The following ROR1 variants were observed in gnomAD, a reference collection of about 807,000 sequenced individuals.
The protein encoded by ROR1 is inactive tyrosine-protein kinase transmembrane receptor ROR1.
ROR1 carries 19 observed loss-of-function variants against 78.8 expected under a neutral mutation model. The observed-to-expected ratio is 0.24, with a 90% CI of 0.17 to 0.35. ROR1 has a LOEUF of 0.35. Ranked by LOEUF, ROR1 falls within the 10% of genes least tolerant of loss-of-function variation. The pLI, the probability that ROR1 is intolerant of heterozygous loss-of-function variation, is 1.00. For synonymous variants in ROR1, 386 were observed against 433.6 expected (o/e 0.89, Z 1.36); for missense variants, 917 against 1,177.8 (o/e 0.78, Z 3.24).
chr1:63,882,729 A>G (rs1645331116), intron 1 of ROR1, among the ~76,000 whole-genome samples: 1 of 152,312 alleles, frequency 6.6e-6, no homozygotes, highest in African/African-American at 2.4e-5. Context: ...GAAAATAGTA[A>G]TGATGGGCAT....
rs1449539205 is a variant in ROR1, at chr1:64,050,686, G to A, written c.452G>A (p.Gly151Asp). The A allele has an allele frequency of 6.2e-7, 1 of 1,612,792 alleles. No homozygotes were observed. Among genetic ancestry groups the A allele is most frequent in the Admixed American group, 1.7e-5 (1 of 59,942 alleles). Residue 151 changes from glycine to aspartate, a missense_variant and splice_region_variant, in exon 4 of 9, where the codon GGC (glycine) becomes GAC (aspartate). Around this residue, in one of 3 missense-constraint regions of ROR1, gnomAD observed 835 missense variants for 1,069.8 expected, o/e 0.78. Transcript: ENST00000371079. ...SSTGVLFVKF[G>D]PPPTASPGYS... ...TTTTGTTTTTCTTTCATTTCTTCAG[G>A]CCCCCCTCCCACTGCAAGTCCAGGA...
rs554051110 is a variant in ROR1 at position 63,962,429 on chromosome 1, G to C, written c.92-46876G>C. Among the ~76,000 whole-genome samples the C allele has an allele frequency of 3.5e-4, 54 of 152,338 alleles. 1 individual carries two copies. The South Asian group carries it at 0.011, about 30-fold the overall frequency. On this transcript the variant is annotated intron_variant, in intron 1 of 8. Transcript: ENST00000371079. ...GAGATGAAAGACATAAGCTAGAAAA[G>C]AAAAATGACAAATGGTTCACTGCAA... is the stretch of plus-strand genomic sequence containing the variant.
chr1:64,054,271 T>C (rs1646856505), intron 4 of ROR1, among the ~76,000 whole-genome samples: 1 of 151,528 alleles, frequency 6.6e-6, no homozygotes, highest in African/African-American at 2.4e-5. Flanking sequence ...ATTTCTTAAG[T>C]CCTTGTCATT....
chr1:63,857,749 C>A (rs543251908), intron 1 of ROR1, among the ~76,000 whole-genome samples: 3 of 152,122 alleles, frequency 2.0e-5, no homozygotes, highest in Admixed American at 6.5e-5. Flanking sequence ...CTTTAAGAGT[C>A]GGTAGAATGA....
At chr1:63,780,363 C>G (rs1481810909) in intron 1 of ROR1, among the ~76,000 whole-genome samples, 2 of 152,062 alleles carry the variant, frequency 1.3e-5, no homozygotes, top group Admixed American at 1.3e-4. Context: ...TTGTTGCCTT[C>G]TTGGGCAAAG....
chr1:64,084,446 A>G (rs1341350544), intron 4 of ROR1, among the ~76,000 whole-genome samples: 1 of 152,228 alleles, frequency 6.6e-6, no homozygotes, highest in Non-Finnish European at 1.5e-5. Context: ...TATTTTTCCC[A>G]TTGAAATTAT....
intron 1 of ROR1, among the ~76,000 whole-genome samples, chr1:63,954,184 A>G (rs2100474739): frequency 6.6e-6 from 1 of 152,324 alleles, no homozygotes; most frequent in South Asian, 2.1e-4. Context: ...CTTTTGCTCC[A>G]CTTTTACTAA....
chr1:63,981,017 A>T (rs915367792), intron 1 of ROR1, among the ~76,000 whole-genome samples: 3 of 151,558 alleles, frequency 2.0e-5, no homozygotes, highest in Non-Finnish European at 4.4e-5. Context: ...TTACTGGAAG[A>T]AAAAATATAC....
intron 4 of ROR1, among the ~76,000 whole-genome samples, chr1:64,077,947 CATGG>C (rs1647066375): frequency 6.6e-6 from 1 of 152,298 alleles, no homozygotes; most frequent in Admixed American, 6.5e-5. Flanking sequence ...ATGTGAGGGA[CATGG>C]AGGTGAAAAG....
intron 1 of ROR1, among the ~76,000 whole-genome samples, chr1:63,951,115 G>A (rs1645931546): frequency 1.3e-5 from 2 of 152,196 alleles, no homozygotes; most frequent in South Asian, 4.1e-4. Flanking sequence ...GCCAGTAAGT[G>A]GTTCCTTGTC....
intron 1 of ROR1, among the ~76,000 whole-genome samples, chr1:63,974,671 G>A (rs904905579): frequency 6.6e-5 from 10 of 151,052 alleles, no homozygotes; most frequent in East Asian, 3.9e-4. Context: ...AGGATCTTGC[G>A]CTGTTGCCCA....
chr1:64,132,329 C>T (rs1363520752), intron 4 of ROR1, among the ~76,000 whole-genome samples: 2 of 152,094 alleles, frequency 1.3e-5, no homozygotes, highest in Non-Finnish European at 2.9e-5. Flanking sequence ...GTTGTTCCCA[C>T]CTTTGGACTA....
intron 1 of ROR1, among the ~76,000 whole-genome samples, chr1:63,909,535 T>C (rs1026997095): frequency 6.6e-6 from 1 of 152,090 alleles, no homozygotes; most frequent in Non-Finnish European, 1.5e-5. Flanking sequence ...TCATAGCTAT[T>C]TTACCCTCAA....
chr1:64,063,622 TTC>T (rs1232756369), intron 4 of ROR1, among the ~76,000 whole-genome samples: 1 of 145,930 alleles, frequency 6.9e-6, no homozygotes, highest in African/African-American at 2.7e-5. Context: ...CTATGTCTCT[TTC>T]TCTGTCTCTC....
intron 1 of ROR1, among the ~76,000 whole-genome samples, chr1:63,983,911 CA>C (rs1646230951): frequency 6.6e-6 from 1 of 152,162 alleles, no homozygotes; most frequent in Non-Finnish European, 1.5e-5. Context: ...CAAAGGGACG[CA>C]AAGTACCCCA....
At chr1:63,785,317 A>C (rs1389084448) in intron 1 of ROR1, among the ~76,000 whole-genome samples, 1 of 151,960 alleles carries the variant, frequency 6.6e-6, no homozygotes, top group Non-Finnish European at 1.5e-5. Flanking sequence ...GATGGACTGT[A>C]TTAGCCTTTC....
At chr1:63,789,200 G>A (rs1644710520) in intron 1 of ROR1, 1 of 601,078 alleles carries the variant, frequency 1.7e-6, no homozygotes, top group East Asian at 3.9e-5. Context: ...GACAGGAGTT[G>A]GCATTGGAGA....
At chr1:64,049,616 T>C in intron 2 of ROR1, 75 bp from the exon 3 acceptor site, 6 of 1,326,038 alleles carry the variant, frequency 4.5e-6, no homozygotes, top group South Asian at 1.3e-5. Flanking sequence ...AAGGGTACAC[T>C]GGAGGGGATT....
At chr1:63,780,229 A>G (rs1644642690) in intron 1 of ROR1, among the ~76,000 whole-genome samples, 1 of 151,190 alleles carries the variant, frequency 6.6e-6, no homozygotes, top group African/African-American at 2.4e-5. Flanking sequence ...TCCAAACTTT[A>G]TTTTTTTCAA....
Sources: gnomAD v4.1 joint callset for allele counts (sites outside exome capture counted in the v4.1 genomes callset) on GRCh38, gnomAD v4.1.1 for gene constraint, gnomAD v4.1.1 regional missense constraint, MANE v1.5 for transcripts, NCBI Gene and HGNC (gene_info 2026-07-23, HGNC 2026-07-21) for gene names.